Variants in POLG observed in about 807,000 individuals in gnomAD.
The protein encoded by POLG is DNA polymerase subunit gamma-1.
Under a neutral mutation model 155.4 loss-of-function variants are expected in POLG, and 110 were observed. The observed-to-expected ratio is 0.71, with a 90% CI of 0.61 to 0.83. The LOEUF (loss-of-function observed/expected upper bound fraction) is 0.83, where lower values mean the gene tolerates loss of function less well. Ranked by LOEUF, POLG falls within the 40% of genes least tolerant of loss-of-function variation. The probability of loss-of-function intolerance (pLI) is 0.00; values close to 1 mark genes in which losing one functional copy is unlikely to be tolerated. For missense variants in POLG, 1,685 were observed against 1,627.5 expected (o/e 1.04, Z -0.61); for synonymous variants, 701 against 631.5 (o/e 1.11, Z -1.65).
At chr15:89,331,960 G>C (rs914152939) in intron 2 of POLG, among the ~76,000 whole-genome samples, 7 of 152,118 alleles carry the variant, frequency 4.6e-5, no homozygotes, top group African/African-American at 1.7e-4. Flanking sequence ...GAAAGAAGGA[G>C]AAAGAGAAAA....
In POLG at chr15:89,323,676, T is replaced by C. The variant is rs576615307; in HGVS notation, c.2157+139A>G. ...GGCTTTCTCCTTGCTCCAACACGTG[T>C]GGGGCCTCCCAGGGGCAGGGTGGCA... is the stretch of plus-strand genomic sequence containing the variant. On this transcript the variant is annotated intron_variant, in intron 12 of 22. Coordinates refer to ENST00000268124, the MANE Select transcript of POLG (RefSeq NM_002693.3). 128 of 843,250 alleles carry C rather than the reference T, an allele frequency of 1.5e-4. 1 individual carries two copies. The highest frequency in any genetic ancestry group is 1.3e-3 in the South Asian group (95 of 73,300). The allele number at this position is 843,250 out of a possible 1,614,324, so 52.2% of individuals were successfully genotyped here. A position where few individuals can be genotyped will look rare whatever the true frequency, so the allele number is the denominator to read the frequency against.
chr15:89,324,364 T>A, intron 10 of POLG, 137 bp from the exon 11 acceptor site: 1 of 998,386 alleles, frequency 1.0e-6, no homozygotes, highest in Non-Finnish European at 1.5e-6. Context: ...GATAGCACTT[T>A]CCCGGGTTTT....
chr15:89,332,113 T>G (rs1596361458), intron 2 of POLG: 1 of 152,254 alleles, frequency 6.6e-6, no homozygotes, highest in African/African-American at 2.4e-5. Context: ...CCCCTTTACT[T>G]TGACCATCAA....
rs543286870 is a variant in POLG at position 89,322,917 on chromosome 15, G to T, written c.2266-15C>A. 5.6e-6 allele frequency: 9 copies of T among 1,610,372 alleles called. No homozygotes were observed. In the African/African-American group the frequency reaches 1.2e-4, roughly 21 times the overall value. The stretch of plus-strand genomic sequence containing the variant: ...CTATTACCATCCTGGACAGAGCAAA[G>T]GAAGCAGGGGCTGGAGGCAGGTGGC... On this transcript the variant is annotated splice_polypyrimidine_tract_variant and intron_variant, in intron 13 of 22. Coordinates refer to ENST00000268124, the MANE Select transcript of POLG (RefSeq NM_002693.3).
Position 89,326,573 on chromosome 15 carries a change from T to A in POLG, c.1712+39A>T, listed in dbSNP as rs749672126. The A allele has an allele frequency of 8.7e-6, 14 of 1,609,046 alleles. No individual in the cohort carries two copies. In the African/African-American group the frequency reaches 1.6e-4, roughly 18 times the overall value. ...GGCTGTCCTGAGAATGGAGCAAGGG[T>A]AGACTCTAGATACACTGCTGGGGGT... On this transcript the variant is annotated intron_variant, in intron 9 of 22. Transcript: ENST00000268124.
At chr15:89,320,005 C>G (rs1283797256) in intron 18 of POLG, among the ~76,000 whole-genome samples, 1 of 152,246 alleles carries the variant, frequency 6.6e-6, no homozygotes, top group African/African-American at 2.4e-5. Flanking sequence ...CACCACCTTT[C>G]TCGCCTCCAC....
In POLG at chr15:89,323,492, T is replaced by C. The variant is rs774599342; in HGVS notation, c.2177A>G (p.Lys726Arg). ...PLALTARGGP[K>R]DTQPSYHHGN... The stretch of plus-strand genomic sequence containing the variant: ...ATGGTGATAGCTGGGCTGGGTGTCC[T>C]TGGGGCCACCACGGGCAGTCTGTGA... Residue 726 changes from lysine (K) to arginine (R), a missense_variant, in exon 13 of 23, where the codon AAG (lysine) becomes AGG (arginine). Transcript: ENST00000268124. 11 of 1,612,374 alleles carry C rather than the reference T, an allele frequency of 6.8e-6. No homozygotes were observed. The Admixed American group carries it at 1.3e-4, about 20-fold the overall frequency.
chr15:89,318,476 G>A, intron 21 of POLG, 65 bp downstream of exon 21: 2 of 1,364,250 alleles, frequency 1.5e-6, no homozygotes, highest in Non-Finnish European at 2.1e-6. Flanking sequence ...CTGGCCCAAG[G>A]AACGCTCACC....
In POLG at chr15:89,330,360, A is replaced by G. The variant is rs1437078910; in HGVS notation, c.660-84T>C. 7 of 1,057,440 alleles carry G rather than the reference A, an allele frequency of 6.6e-6. No homozygotes were observed. The African/African-American group carries it at 7.8e-5, about 12-fold the overall frequency. The allele number at this position is 1,057,440 out of a possible 1,614,324, so 65.5% of individuals were successfully genotyped here. The stretch of plus-strand genomic sequence containing the variant: ...ACAACCACTGCACACCTACCGCCAC[A>G]TGCCAGATGGTGCATTGGCAGCTGG... On this transcript the variant is annotated intron_variant, in intron 2 of 22. Transcript: ENST00000268124.
At chr15:89,319,726 G>T (rs984654177) in intron 18 of POLG, among the ~76,000 whole-genome samples, 2 of 152,184 alleles carry the variant, frequency 1.3e-5, no homozygotes, top group African/African-American at 4.8e-5. Context: ...CATCACTCTA[G>T]ATTTGGGGGG....
chr15:89,318,951 G>A lies in POLG; in HGVS notation c.3253C>T (p.Pro1085Ser). The A allele has an allele frequency of 6.2e-7, 1 of 1,614,100 alleles. No homozygotes were observed. The highest frequency in any genetic ancestry group is 8.5e-7 in the Non-Finnish European group (1 of 1,180,000). The change falls in exon 20 of 23, where the codon CCC becomes TCC. Residue 1085 changes from proline to serine, a missense_variant. By Grantham distance (74) the Pro-to-Ser change is moderately conservative. Around this residue, in one of 3 missense-constraint regions of POLG, gnomAD observed 470 missense variants for 439.9 expected, o/e 1.07. Coordinates refer to ENST00000268124, the MANE Select transcript of POLG (RefSeq NM_002693.3). The stretch of plus-strand genomic sequence containing the variant: ...GATACCTCTTCCTGGACAGCCGAGG[G>A]CTCCAGGGCTCGGCTGATGCAGCAG... ...LGCCISRALEPSAVQEEFMTS... is the reference protein window; with the variant it reads ...LGCCISRALESSAVQEEFMTS...
chr15:89,320,406 C>G (rs1344593344), intron 18 of POLG, among the ~76,000 whole-genome samples: 1 of 152,216 alleles, frequency 6.6e-6, no homozygotes, highest in African/African-American at 2.4e-5. Flanking sequence ...GCCCTCCTGT[C>G]AACTCCTGTC....
At position 89,330,193 on chromosome 15, in the gene POLG, T is replaced by G; in HGVS notation, c.743A>C (p.Glu248Ala). 6.2e-7 allele frequency: 1 copy of G among 1,613,728 alleles called. No homozygotes were observed. ...GGGGCTGCTGGCACCAGTAGGGACCTCCAGGGGGATGAGGTCAGCCGGCGA... is the reference window on the plus strand; with the variant it reads ...GGGGCTGCTGGCACCAGTAGGGACCGCCAGGGGGATGAGGTCAGCCGGCGA... ...QLSPADLIPL[E>A]VPTGASSPTQ... The change falls in exon 3 of 23, where the codon GAG becomes GCG. Residue 248 changes from glutamate (E) to alanine (A), a missense_variant. By Grantham distance (107) the Glu-to-Ala change is moderately radical. Coordinates refer to ENST00000268124, the MANE Select transcript of POLG (RefSeq NM_002693.3).
In POLG at chr15:89,329,069, C is replaced by T. The variant is rs1309549222; in HGVS notation, c.897G>A (p.Met299Ile). 2.5e-6 allele frequency: 4 copies of T among 1,612,954 alleles called. No individual in the cohort carries two copies. The highest frequency in any genetic ancestry group is 2.2e-5 in the East Asian group (1 of 44,882). The change falls in exon 4 of 23, where the codon ATG (methionine) becomes ATA (isoleucine). Residue 299 changes from methionine to isoleucine, a missense_variant. Physicochemically the swap from Met to Ile is conservative, Grantham distance 10. Around this residue, in one of 3 missense-constraint regions of POLG, gnomAD observed 1,210 missense variants for 1,167.1 expected, o/e 1.04. Transcript: ENST00000268124. ...GGAAGCTGCTTAGCCCTGAGATGGCCATGTGCATGCTCATGGTGTCCAGGA... is the reference window on the plus strand; with the variant it reads ...GGAAGCTGCTTAGCCCTGAGATGGCTATGTGCATGCTCATGGTGTCCAGGA... ...MRFLDTMSMH[M>I]AISGLSSFQR...
intron 14 of POLG, among the ~76,000 whole-genome samples, 157 bp downstream of exon 14, chr15:89,322,585 G>A (rs1326698029): frequency 3.9e-5 from 6 of 152,132 alleles, no homozygotes; most frequent in African/African-American, 9.7e-5. Flanking sequence ...AAGCTAGAGG[G>A]GAGACCTGCC....
At chr15:89,322,100 C>T in intron 14 of POLG, 85 bp from the exon 15 acceptor site, 1 of 1,247,078 alleles carries the variant, frequency 8.0e-7, no homozygotes, top group Non-Finnish European at 1.2e-6. Context: ...CACCTGCCCA[C>T]CTCCAGGACT....
chr15:89,324,593 G>T (rs545103981), intron 10 of POLG, among the ~76,000 whole-genome samples: 2 of 152,238 alleles, frequency 1.3e-5, no homozygotes, highest in Non-Finnish European at 1.5e-5. Context: ...AGCAAGGCCA[G>T]TGTTATCCCC....
At position 89,328,749 on chromosome 15, in the gene POLG, A is replaced by G. The variant is rs985109116; in HGVS notation, c.1106T>C (p.Leu369Ser). 6.2e-7 allele frequency: 1 copy of G among 1,614,096 alleles called. No individual in the cohort carries two copies. The highest frequency in any genetic ancestry group is 8.5e-7 in the Non-Finnish European group (1 of 1,180,002). The part of the protein sequence containing the change: ...VHRLYVGGPP[L>S]EKEPRELFVK... ...AAACAGTTCTCGAGGCTCCTTCTCT[A>G]AGGGAGGCCCCCCTACATAAAGTCT... is the stretch of plus-strand genomic sequence containing the variant. The change falls in exon 5 of 23, where the codon TTA becomes TCA. Residue 369 changes from leucine to serine, a missense_variant. Around this residue, in one of 3 missense-constraint regions of POLG, gnomAD observed 1,210 missense variants for 1,167.1 expected, o/e 1.04. Coordinates refer to ENST00000268124, the MANE Select transcript of POLG (RefSeq NM_002693.3).
chr15:89,322,687 C>T, intron 14 of POLG, 55 bp downstream of exon 14: 2 of 1,586,184 alleles, frequency 1.3e-6, no homozygotes, highest in Admixed American at 1.7e-5. Context: ...GTCAGGGGTC[C>T]CTGGGTGGGA....
Sources: gnomAD v4.1 joint callset for allele counts (sites outside exome capture counted in the v4.1 genomes callset) on GRCh38, gnomAD v4.1.1 for gene constraint, gnomAD v4.1.1 regional missense constraint, MANE v1.5 for transcripts, NCBI Gene and HGNC (gene_info 2026-07-23, HGNC 2026-07-21) for gene names.